The following PDE6B variants were observed in gnomAD, a reference collection of about 807,000 sequenced individuals.
The protein encoded by PDE6B is phosphodiesterase 6B, also known as rod cGMP-specific 3',5'-cyclic phosphodiesterase subunit beta.
PDE6B carries 106 observed loss-of-function variants against 109.0 expected under a neutral mutation model. That is an observed-to-expected ratio of 0.97 (90% confidence interval 0.83 to 1.14). PDE6B has a LOEUF of 1.14. Among genes scored for constraint, PDE6B ranks in the 50% most tolerant of loss-of-function variants. PDE6B has a pLI of 0.00. For synonymous variants in PDE6B, 490 were observed against 471.3 expected (o/e 1.04, Z -0.51); for missense variants, 1,193 against 1,155.6 (o/e 1.03, Z -0.47).
In PDE6B at chr4:665,390, C is replaced by A; in HGVS notation, c.2268+61C>A. ...CGGGTGTTAGAGACCCCTCTTGGTC[C>A]TCAGGAGCCTCAGGTCCTGGCTTGG... On this transcript the variant is annotated intron_variant, in intron 19 of 21. Transcript: ENST00000496514. This position sits in a 1 kb window ranked among gnomAD's most constrained non-coding sequence, Gnocchi z 4.0. The A allele has an allele frequency of 2.7e-6, 3 of 1,113,516 alleles. No homozygotes were observed. Among genetic ancestry groups the A allele is most frequent in the South Asian group, 1.3e-5 (1 of 78,758 alleles). The allele number at this position is 1,113,516 out of a possible 1,614,324, so 69.0% of individuals were successfully genotyped here.
At chr4:659,085 C>T (rs1736717168) in intron 11 of PDE6B, 68 bp downstream of exon 11, 1 of 1,188,656 alleles carries the variant, frequency 8.4e-7, no homozygotes, top group Non-Finnish European at 1.3e-6. Flanking sequence ...AAGAGTTCTG[C>T]ATTCTCCGGG....
At chr4:667,825 G>C (rs768289117) in intron 20 of PDE6B, 31 bp from the exon 21 acceptor site, 25 of 1,608,588 alleles carry the variant, frequency 1.6e-5, no homozygotes, top group Non-Finnish European at 2.1e-5. Flanking sequence ...AGGCAGGACA[G>C]GACTGGTGGT....
chr4:656,483 C>T (rs1479728145), intron 8 of PDE6B, among the ~76,000 whole-genome samples, 191 bp downstream of exon 8: 1 of 152,098 alleles, frequency 6.6e-6, no homozygotes, highest in African/African-American at 2.4e-5. Flanking sequence ...ACCACAGCCC[C>T]CACACACGCC....
intron 3 of PDE6B, among the ~76,000 whole-genome samples, chr4:639,111 C>T (rs1017777313): frequency 1.3e-5 from 2 of 151,810 alleles, no homozygotes; most frequent in African/African-American, 2.4e-5. Flanking sequence ...GGAAAGGCAC[C>T]GTGATTCTGG....
rs528724401 is a variant in PDE6B, at chr4:659,582, T to C, written c.1467+565T>C. Among the ~76,000 whole-genome samples, 149 of 151,654 alleles carry C rather than the reference T, an allele frequency of 9.8e-4. 1 individual carries two copies. Among genetic ancestry groups the C allele is most frequent in the South Asian group, 2.7e-3 (13 of 4,794 alleles). On this transcript the variant is annotated intron_variant, in intron 11 of 21. Coordinates refer to ENST00000496514, the MANE Select transcript of PDE6B (RefSeq NM_000283.4). The stretch of plus-strand genomic sequence containing the variant: ...ATGTGTGCACATGTGGGTGTGTGTG[T>C]GCACATGTGGGTATGTGTGTGCGTG...
chr4:656,070 TCTC>T lies in PDE6B; in HGVS notation c.1059+67_1059+69del, dbSNP rs1291188173. ...CTCACTGGGTGCGGCGATGTGTGCT[TCTC>T]CTTGTCTCTGCCACGTCCCGCCCTC... On this transcript the variant is annotated intron_variant, in intron 7 of 21. Coordinates refer to ENST00000496514, the MANE Select transcript of PDE6B (RefSeq NM_000283.4). The T allele has an allele frequency of 5.3e-6, 6 of 1,127,968 alleles. No homozygotes were observed. In the African/African-American group the frequency reaches 6.1e-5, roughly 11 times the overall value. 69.9% of individuals were successfully genotyped at this position (1,127,968 alleles called of 1,614,324 possible).
At chr4:657,065 C>T (rs769350787) in intron 9 of PDE6B, 42 bp downstream of exon 9, 6 of 1,598,430 alleles carry the variant, frequency 3.8e-6, no homozygotes, top group African/African-American at 1.3e-5. Context: ...GGATGCCCTG[C>T]GAGGGGTGGG....
At chr4:644,003 C>T (rs887807480) in intron 3 of PDE6B, among the ~76,000 whole-genome samples, 3 of 148,510 alleles carry the variant, frequency 2.0e-5, no homozygotes, top group African/African-American at 7.5e-5. Context: ...ACTGCAACCT[C>T]CACCTCCCGG....
chr4:628,143 T>C (rs2109118955), intron 1 of PDE6B, among the ~76,000 whole-genome samples: 1 of 148,510 alleles, frequency 6.7e-6, no homozygotes, highest in East Asian at 1.9e-4. Context: ...TGAGTCTGAA[T>C]TGCCACCAAA....
intron 1 of PDE6B, among the ~76,000 whole-genome samples, chr4:628,196 A>AGCCTCATGAAGTGCATC (rs375672658): frequency 0.027 from 4,123 of 152,044 alleles, 61 homozygotes; most frequent in Middle Eastern, 0.041. Flanking sequence ...TGAAGTGCAA[A>AGCCTCATGAAGTGCATC]GCCTCATGAA....
chr4:665,125 G>C lies in PDE6B; in HGVS notation c.2194-130G>C, dbSNP rs1175492707. On this transcript the variant is annotated intron_variant, in intron 18 of 21. Transcript: ENST00000496514. The surrounding 1 kb of genome is among the most constrained non-coding windows in gnomAD (Gnocchi z 4.0). Reference sequence around the variant, plus strand: ...GCAGTGTGTCTACATGGCTCAACCGGAGCCCTGTGTGGTGGGGACCCCGGG... The same window carrying C: ...GCAGTGTGTCTACATGGCTCAACCGCAGCCCTGTGTGGTGGGGACCCCGGG... 3.6e-6 allele frequency: 3 copies of C among 832,556 alleles called. No individual in the cohort carries two copies. Among genetic ancestry groups the C allele is most frequent in the Admixed American group, 3.9e-5 (2 of 51,020 alleles). 51.6% of individuals were successfully genotyped at this position (832,556 alleles called of 1,614,324 possible).
At position 666,925 on chromosome 4, in the gene PDE6B, G is replaced by A. The variant is rs1243816795; in HGVS notation, c.2352+311G>A. ...CAGAAGTTCTCCCTCAGTGCCCTCC[G>A]CCGTGGCCAGCACACTGTTTTGGGG... On this transcript the variant is annotated intron_variant, in intron 20 of 21. Transcript: ENST00000496514. This position sits in a 1 kb window ranked among gnomAD's most constrained non-coding sequence, Gnocchi z 5.6. Among the ~76,000 whole-genome samples the A allele has an allele frequency of 6.6e-6, 1 of 152,310 alleles. No individual in the cohort carries two copies. Among genetic ancestry groups the A allele is most frequent in the South Asian group, 2.1e-4 (1 of 4,828 alleles).
Position 669,841 on chromosome 4 carries a change from G to C in PDE6B, c.2504-205G>C, listed in dbSNP as rs35925646. Among the ~76,000 whole-genome samples, 3,323 of 152,112 alleles carry C rather than the reference G, an allele frequency of 0.022. 36 individuals carry two copies. Among genetic ancestry groups the C allele is most frequent in the Middle Eastern group, 0.034 (10 of 294 alleles). ...GCGACTTCAGGACTATGGAAGGCCA[G>C]GATGAGCATAATCAGGGCACAGTGT... On this transcript the variant is annotated intron_variant, in intron 21 of 21. Transcript: ENST00000496514.
rs1234831039 is a variant in PDE6B, at chr4:633,174, GGT to G, written c.469-1501_469-1500del. ...CAGAGATGAGCCCTCGGGGGACGCA[GGT>G]GCAGAGATGAGCCCTCAGGGGTTGC... is the stretch of plus-strand genomic sequence containing the variant. On this transcript the variant is annotated intron_variant, in intron 1 of 21. Transcript: ENST00000496514. The surrounding 1 kb of genome is among the most constrained non-coding windows in gnomAD (Gnocchi z 4.5). Among the ~76,000 whole-genome samples, 1 of 152,096 alleles carries G rather than the reference GGT, an allele frequency of 6.6e-6. No individual in the cohort carries two copies. The highest frequency in any genetic ancestry group is 2.4e-5 in the African/African-American group (1 of 41,414).
chr4:659,481 CTG>C (rs748070667), intron 11 of PDE6B, among the ~76,000 whole-genome samples: 100 of 146,886 alleles, frequency 6.8e-4, no homozygotes, highest in African/African-American at 1.4e-3. Context: ...ATGTGGGTGT[CTG>C]TGTGTGCACA....
intron 3 of PDE6B, chr4:652,604 T>C: frequency 2.0e-6 from 1 of 498,502 alleles, no homozygotes; most frequent in Non-Finnish European, 2.6e-6. Flanking sequence ...AAGTTTTAAA[T>C]TAAAAATAAG....
chr4:625,646 A>G lies in PDE6B; in HGVS notation c.20A>G (p.Gln7Arg), dbSNP rs769821115. 4.3e-6 allele frequency: 7 copies of G among 1,613,464 alleles called. No individual in the cohort carries two copies. In the South Asian group the frequency reaches 6.6e-5, roughly 15 times the overall value. Residue 7 changes from glutamine to arginine, a missense_variant, in exon 1 of 22, where the codon CAG becomes CGG. By Grantham distance (43) the Gln-to-Arg change is conservative. Transcript: ENST00000496514. This position sits in a 1 kb window ranked among gnomAD's most constrained non-coding sequence, Gnocchi z 5.0. MSLSEE[Q>R]ARSFLDQNPD... ...GCCACCATGAGCCTCAGTGAGGAGC[A>G]GGCCCGGAGCTTTCTGGACCAGAAC...
chr4:661,855 C>T (rs955210884), intron 12 of PDE6B: 2 of 490,446 alleles, frequency 4.1e-6, no homozygotes, highest in Non-Finnish European at 7.5e-6. Context: ...TGAGGCCAGG[C>T]AGTCGGATGG....
chr4:657,753 AC>A (rs1736487793), intron 10 of PDE6B, among the ~76,000 whole-genome samples: 2 of 137,510 alleles, frequency 1.5e-5, no homozygotes, highest in Admixed American at 7.4e-5. Flanking sequence ...TCCAGGGGTC[AC>A]CCAGGGGTCA....
Sources: allele counts gnomAD v4.1 joint callset (sites outside exome capture counted in the v4.1 genomes callset), GRCh38; gene constraint gnomAD v4.1.1; non-coding constraint Gnocchi (gnomAD v3.1); transcripts MANE v1.5; gene names NCBI Gene and HGNC (gene_info 2026-07-23, HGNC 2026-07-21).